Variants in HFM1 observed in about 807,000 individuals in gnomAD.
HFM1 encodes helicase for meiosis 1.
In HFM1, 169 loss-of-function variants were observed where a neutral mutation model predicts 192.1. The ratio of observed to expected loss-of-function variants is 0.88; its 90% CI spans 0.78 to 1.00. The LOEUF is 1.00. Among genes scored for constraint, HFM1 ranks in the 50% least tolerant of loss-of-function variants. The probability of loss-of-function intolerance (pLI) is 0.00; values close to 1 mark genes in which losing one functional copy is unlikely to be tolerated. For missense variants in HFM1, 1,661 were observed against 1,668.0 expected (o/e 1.00, Z 0.07); for synonymous variants, 525 against 537.8 (o/e 0.98, Z 0.33).
rs35628470 is a variant in HFM1, at chr1:91,353,923, G to GA, written c.1686-625dup. Among the ~76,000 whole-genome samples the GA allele has an allele frequency of 3.8e-3, 433 of 113,618 alleles. 4 individuals are homozygous for GA. The East Asian group carries it at 0.043, about 11-fold the overall frequency. 74.5% of individuals were successfully genotyped at this position (113,618 alleles called of 152,430 possible). On this transcript the variant is annotated intron_variant, in intron 13 of 38. Coordinates refer to ENST00000370425, the MANE Select transcript of HFM1 (RefSeq NM_001017975.6). ...ATCAATAGAGGGACACAGGAAACAT[G>GA]AAAAAAAAAAAAAACCAACCAAAAA... is the stretch of plus-strand genomic sequence containing the variant.
chr1:91,375,264 T>A, intron 13 of HFM1, 94 bp downstream of exon 13: 1 of 789,586 alleles, frequency 1.3e-6, no homozygotes, highest in East Asian at 2.5e-5. Context: ...CACTGAGGTT[T>A]ACCCCAAGGT....
At chr1:91,268,252 T>G (rs540731765) in intron 34 of HFM1, among the ~76,000 whole-genome samples, 1 of 152,000 alleles carries the variant, frequency 6.6e-6, no homozygotes, top group Non-Finnish European at 1.5e-5. Flanking sequence ...TACTCCAAGA[T>G]TGGATTATAA....
At chr1:91,300,265 C>G (rs1396182167) in intron 30 of HFM1, among the ~76,000 whole-genome samples, 1 of 152,174 alleles carries the variant, frequency 6.6e-6, no homozygotes, top group Admixed American at 6.5e-5. Context: ...AGACCAATAA[C>G]AGGCTCAGAA....
intron 30 of HFM1, among the ~76,000 whole-genome samples, chr1:91,289,558 C>A (rs1668467642): frequency 6.6e-6 from 1 of 152,142 alleles, no homozygotes; most frequent in African/African-American, 2.4e-5. Flanking sequence ...CCACTGCACT[C>A]CAGCCTGGGC....
At chr1:91,380,824 A>G (rs1307239544) in intron 7 of HFM1, 88 bp downstream of exon 7, 4 of 718,164 alleles carry the variant, frequency 5.6e-6, no homozygotes, top group East Asian at 5.3e-5. Flanking sequence ...GTGCAGACAT[A>G]AAGATCTAGT....
chr1:91,377,802 AACGAGATGTCCACATGTCC>A, intron 11 of HFM1: 2 of 520,210 alleles, frequency 3.8e-6, no homozygotes, highest in Non-Finnish European at 6.7e-6. Context: ...GATACTAGCA[AACGAGATGTCCACATGTCC>A]ACAAAAAATG....
chr1:91,369,459 T>A (rs1659861118), intron 13 of HFM1, among the ~76,000 whole-genome samples: 1 of 152,070 alleles, frequency 6.6e-6, no homozygotes, highest in Non-Finnish European at 1.5e-5. Flanking sequence ...TCAAAACCGC[T>A]CAACTACATG....
At chr1:91,407,018 T>C (rs1040229244), upstream of HFM1, among the ~76,000 whole-genome samples, 5 of 152,190 alleles carry the variant, frequency 3.3e-5, no homozygotes, top group Non-Finnish European at 7.3e-5. Flanking sequence ...CTTTCTTTCT[T>C]TCATTGTGGT....
chr1:91,319,497 A>G (rs1651772029), intron 23 of HFM1, 107 bp from the exon 24 acceptor site: 1 of 671,728 alleles, frequency 1.5e-6, no homozygotes, highest in African/African-American at 1.8e-5. Flanking sequence ...CTCTGCCTTA[A>G]TTTCTGCAAT....
rs1657100622 is a variant in HFM1, at chr1:91,352,617, C to T, written c.1866G>A (p.Leu622=). 1.9e-6 allele frequency: 3 copies of T among 1,608,196 alleles called. No individual in the cohort carries two copies. The South Asian group carries it at 3.3e-5, about 18-fold the overall frequency. Reference sequence around the variant, plus strand: ...ATTTTATAACTACTAGGTGAGCAGGCAAATTTACTCCCATAGCTAAAGTAC... The same window carrying T: ...ATTTTATAACTACTAGGTGAGCAGGTAAATTTACTCCCATAGCTAAAGTAC... The part of the protein sequence containing the change: ...TTSTLAMGVN[L]PAHLVVIKST... Residue 622 remains leucine, a synonymous_variant, in exon 16 of 39, where the codon TTG becomes TTA. Transcript: ENST00000370425.
chr1:91,385,780 T>C lies in HFM1; in HGVS notation c.549A>G (p.Glu183=). 2.5e-6 allele frequency: 4 copies of C among 1,607,500 alleles called. No individual in the cohort carries two copies. The South Asian group carries it at 4.4e-5, about 18-fold the overall frequency. The change falls in exon 5 of 39, where the codon GAA becomes GAG. Residue 183 remains glutamate, a synonymous_variant. Coordinates refer to ENST00000370425, the MANE Select transcript of HFM1 (RefSeq NM_001017975.6). ...TCACTGAGCCAATGTGAGAGTCCAA[T>C]TCATTGTCATTAGAATAAGCACTCC... ...IHGSAYSNDN[E]LDSHIGSVKI...
rs71087940 is a variant in HFM1, at chr1:91,264,361, A to ATTTTTTTTTTTTTTTTTTTTT, written c.3974+1635_3974+1655dup. 5.2e-3 allele frequency among the ~76,000 whole-genome samples: 296 copies of ATTTTTTTTTTTTTTTTTTTTT among 57,084 alleles called. 59 individuals carry two copies. The highest frequency in any genetic ancestry group is 6.4e-3 in the Non-Finnish European group (210 of 32,970). The allele number at this position is 57,084 out of a possible 152,430, so 37.4% of individuals were successfully genotyped here. ...TTCCAAGGGATACCACAAATTTAGT[A>ATTTTTTTTTTTTTTTTTTTTT]TTTTTTTTTTTTTTTTTTTTTTTTT... On this transcript the variant is annotated intron_variant, in intron 36 of 38. Coordinates refer to ENST00000370425, the MANE Select transcript of HFM1 (RefSeq NM_001017975.6).
At chr1:91,316,791 C>T (rs889835672) in intron 25 of HFM1, among the ~76,000 whole-genome samples, 6 of 152,072 alleles carry the variant, frequency 3.9e-5, no homozygotes, top group Non-Finnish European at 8.8e-5. Context: ...TATTTTTGTA[C>T]TCATGCTTGA....
At chr1:91,328,888 T>C (rs1020841085) in intron 20 of HFM1, 3 of 1,610,840 alleles carry the variant, frequency 1.9e-6, no homozygotes, top group Non-Finnish European at 8.5e-7. Context: ...TGGTGAAGGC[T>C]GGCAAAGTCT....
chr1:91,324,031 T>C lies in HFM1; in HGVS notation c.2427+644A>G, dbSNP rs1410196197. ...TTTTATGAATATTGTTTCATATTCA[T>C]GTCCTGAGTAAAGGGAGAAAGGACC... On this transcript the variant is annotated intron_variant, in intron 21 of 38. Transcript: ENST00000370425. Among the ~76,000 whole-genome samples, 5 of 152,230 alleles carry C rather than the reference T, an allele frequency of 3.3e-5. No homozygotes were observed. The South Asian group carries it at 6.2e-4, about 19-fold the overall frequency.
chr1:91,364,632 A>ATATTTTTTTTTT (rs753472335), intron 13 of HFM1, among the ~76,000 whole-genome samples: 4 of 66,786 alleles, frequency 6.0e-5, no homozygotes, highest in African/African-American at 2.6e-4. Context: ...ATATATATAT[A>ATATTTTTTTTTT]TTTTTTTTTT....
intron 6 of HFM1, among the ~76,000 whole-genome samples, chr1:91,384,149 A>G (rs1309163379): frequency 6.6e-6 from 1 of 152,064 alleles, no homozygotes; most frequent in Non-Finnish European, 1.5e-5. Context: ...ATACTTTTTT[A>G]CCTCCACCCT....
At chr1:91,349,066 T>C (rs1656566556) in intron 18 of HFM1, among the ~76,000 whole-genome samples, 2 of 152,138 alleles carry the variant, frequency 1.3e-5, no homozygotes, top group South Asian at 2.1e-4. Context: ...GGCAGGTGGA[T>C]CACCTGAGAT....
In HFM1 at chr1:91,277,048, T is replaced by C. The variant is rs2100779546; in HGVS notation, c.3406A>G (p.Lys1136Glu). The C allele has an allele frequency of 1.3e-6, 2 of 1,593,416 alleles. No homozygotes were observed. The highest frequency in any genetic ancestry group is 4.5e-5 in the East Asian group (2 of 44,070). The change falls in exon 31 of 39, where the codon AAA (lysine) becomes GAA (glutamate). Residue 1136 changes from lysine to glutamate, a missense_variant. Physicochemically the swap from Lys to Glu is moderately conservative, Grantham distance 56. Coordinates refer to ENST00000370425, the MANE Select transcript of HFM1 (RefSeq NM_001017975.6). The stretch of plus-strand genomic sequence containing the variant: ...TTGCATTCTCGGTTCCCAGGTTTTT[T>C]GCTGGCAGTCGTTCCTAAATTAATA... ...AGPNKGTTAS[K>E]KPGNRECNHL... is the part of the protein sequence containing the mutation.
Sources: allele counts gnomAD v4.1 joint callset (sites outside exome capture counted in the v4.1 genomes callset), GRCh38; gene constraint gnomAD v4.1.1; transcripts MANE v1.5; gene names NCBI Gene and HGNC (gene_info 2026-07-23, HGNC 2026-07-21).